The following DLG5 variants were observed in gnomAD, a reference collection of about 807,000 sequenced individuals.
DLG5 encodes the protein disks large homolog 5.
In DLG5, 48 loss-of-function variants were observed where a neutral mutation model predicts 189.8. The observed-to-expected ratio is 0.25, with a 90% CI of 0.20 to 0.32. The LOEUF (loss-of-function observed/expected upper bound fraction) is 0.32. Ranked by LOEUF, DLG5 falls within the 10% of genes least tolerant of loss-of-function variation. DLG5 has a pLI of 1.00. For synonymous variants in DLG5, 1,016 were observed against 1,054.1 expected (o/e 0.96, Z 0.70); for missense variants, 2,160 against 2,544.7 (o/e 0.85, Z 3.25).
At chr10:77,803,543 C>A (rs981578760) in intron 27 of DLG5, among the ~76,000 whole-genome samples, 1 of 152,036 alleles carries the variant, frequency 6.6e-6, no homozygotes, top group African/African-American at 2.4e-5. Context: ...AAAAATATCA[C>A]GTAAAATAGA....
At chr10:77,839,035 G>A (rs1487415585) in intron 7 of DLG5, among the ~76,000 whole-genome samples, 2 of 152,256 alleles carry the variant, frequency 1.3e-5, no homozygotes, top group Non-Finnish European at 2.9e-5. Flanking sequence ...GATGGAGGCG[G>A]GCTCCAGGCT....
At chr10:77,873,858 A>T (rs1357529111) in intron 1 of DLG5, among the ~76,000 whole-genome samples, 1 of 152,200 alleles carries the variant, frequency 6.6e-6, no homozygotes, top group Admixed American at 6.5e-5. Context: ...CCCCAGGGAA[A>T]GGAGAGGGAG....
intron 1 of DLG5, among the ~76,000 whole-genome samples, chr10:77,920,302 G>T (rs1299921374): frequency 6.6e-6 from 1 of 152,206 alleles, no homozygotes; most frequent in Non-Finnish European, 1.5e-5. Context: ...GATAAGCTCA[G>T]AAGGGTTAAA....
At chr10:77,829,836 A>G (rs1427118735) in intron 11 of DLG5, among the ~76,000 whole-genome samples, 2 of 152,222 alleles carry the variant, frequency 1.3e-5, no homozygotes, top group Non-Finnish European at 1.5e-5. Flanking sequence ...AGATTAATCA[A>G]TTAATTTCTA....
At chr10:77,833,388 G>A (rs770457537) in intron 9 of DLG5, among the ~76,000 whole-genome samples, 28 of 152,110 alleles carry the variant, frequency 1.8e-4, no homozygotes, top group Non-Finnish European at 3.4e-4. Flanking sequence ...ACTCATTTAC[G>A]TACTTGTCTC....
In DLG5 at chr10:77,864,702, T is replaced by C. The variant is rs1466345877; in HGVS notation, c.373+4427A>G. On this transcript the variant is annotated intron_variant, in intron 2 of 31. Coordinates refer to ENST00000372391, the MANE Select transcript of DLG5 (RefSeq NM_004747.4). ...ACCTCTGTTCCAGACCAAAGTTGCA[T>C]TTGCATATTTCTCCTTTGTTTTACT... 2.6e-5 allele frequency among the ~76,000 whole-genome samples: 4 copies of C among 152,360 alleles called. No individual in the cohort carries two copies. In the East Asian group the frequency reaches 5.8e-4, roughly 22 times the overall value.
intron 1 of DLG5, among the ~76,000 whole-genome samples, chr10:77,905,674 C>T (rs1459122316): frequency 6.6e-6 from 1 of 152,210 alleles, no homozygotes; most frequent in Non-Finnish European, 1.5e-5. Flanking sequence ...TCAGCCAAGG[C>T]ACAAGGTGCC....
chr10:77,914,893 T>C (rs942357172), intron 1 of DLG5, among the ~76,000 whole-genome samples: 1 of 152,134 alleles, frequency 6.6e-6, no homozygotes, highest in Non-Finnish European at 1.5e-5. Flanking sequence ...TCTAGAGCAA[T>C]TCAAAGAATA....
At chr10:77,866,232 C>G (rs1188424925) in intron 2 of DLG5, among the ~76,000 whole-genome samples, 3 of 152,222 alleles carry the variant, frequency 2.0e-5, no homozygotes. Context: ...CTGGTACAAG[C>G]CTGGTACAGA....
chr10:77,810,401 G>C (rs1056821760), intron 23 of DLG5, among the ~76,000 whole-genome samples: 18 of 152,224 alleles, frequency 1.2e-4, no homozygotes, highest in African/African-American at 4.3e-4. Flanking sequence ...ATGCTGCCCA[G>C]GGCTTGGTGA....
intron 1 of DLG5, among the ~76,000 whole-genome samples, chr10:77,914,455 T>C (rs988513028): frequency 6.6e-5 from 10 of 152,112 alleles, no homozygotes; most frequent in African/African-American, 2.4e-4. Context: ...TAGCCCCTCT[T>C]CTACAGATGG....
intron 5 of DLG5, among the ~76,000 whole-genome samples, chr10:77,850,002 G>T (rs770547341): frequency 1.3e-5 from 2 of 152,160 alleles, no homozygotes; most frequent in Non-Finnish European, 2.9e-5. Context: ...ACCCAGACTG[G>T]ATTTCTCTAT....
chr10:77,906,656 A>C (rs1589272467), intron 1 of DLG5, among the ~76,000 whole-genome samples: 3 of 116,260 alleles, frequency 2.6e-5, no homozygotes, highest in Admixed American at 1.2e-4. Context: ...ATGGAGTCTC[A>C]CTCTGTTGCC....
rs900230096 is a variant in DLG5 at position 77,923,341 on chromosome 10, C to T, written c.304+2876G>A. On this transcript the variant is annotated intron_variant, in intron 1 of 31. Transcript: ENST00000372391. ...ATGGCTCCTCAAGGAAGAAGACTTC[C>T]ATTCCTTCAGCCAGAGCCGCTCTCT... Among the ~76,000 whole-genome samples the T allele has an allele frequency of 4.6e-5, 7 of 152,310 alleles. No individual in the cohort carries two copies. In the East Asian group the frequency reaches 1.2e-3, roughly 25 times the overall value.
chr10:77,919,938 G>A (rs1384509412), intron 1 of DLG5, among the ~76,000 whole-genome samples: 1 of 152,118 alleles, frequency 6.6e-6, no homozygotes, highest in Non-Finnish European at 1.5e-5. Flanking sequence ...AGATGATCTG[G>A]ACAAGGATAC....
intron 26 of DLG5, 40 bp downstream of exon 26, chr10:77,806,718 A>AGGCCGCCCCC: frequency 7.5e-7 from 1 of 1,333,654 alleles, no homozygotes; most frequent in Non-Finnish European, 1.1e-6. Context: ...GCCCTCGGCG[A>AGGCCGCCCCC]CCCCTGCCCC....
chr10:77,895,654 T>C (rs1845736907), intron 1 of DLG5, among the ~76,000 whole-genome samples: 1 of 152,168 alleles, frequency 6.6e-6, no homozygotes, highest in Non-Finnish European at 1.5e-5. Flanking sequence ...ATAGCAGATG[T>C]CCCCAGATCT....
rs553611561 is a variant in DLG5, at chr10:77,795,744, C to T, written c.5436+317G>A. On this transcript the variant is annotated intron_variant, in intron 29 of 31. Coordinates refer to ENST00000372391, the MANE Select transcript of DLG5 (RefSeq NM_004747.4). ...GCACATGCATTTGGGGACCCCGTTC[C>T]GGAATGCCCTGCGAGAGGCCTTTCC... Among the ~76,000 whole-genome samples the T allele has an allele frequency of 2.0e-3, 298 of 152,220 alleles. 2 individuals carry two copies. Among genetic ancestry groups the T allele is most frequent in the African/African-American group, 6.8e-3 (283 of 41,532 alleles).
intron 1 of DLG5, among the ~76,000 whole-genome samples, chr10:77,906,670 G>A (rs1846079321): frequency 1.3e-5 from 2 of 148,270 alleles, no homozygotes; most frequent in Non-Finnish European, 3.0e-5. Flanking sequence ...TGTTGCCCAG[G>A]CTGGAGTGCA....
Sources: allele counts gnomAD v4.1 joint callset (sites outside exome capture counted in the v4.1 genomes callset), GRCh38; gene constraint gnomAD v4.1.1; transcripts MANE v1.5; gene names NCBI Gene and HGNC (gene_info 2026-07-23, HGNC 2026-07-21).